Variants in ARHGAP22 observed in about 807,000 individuals in gnomAD.
ARHGAP22 encodes the protein rho GTPase-activating protein 22.
Under a neutral mutation model 59.1 loss-of-function variants are expected in ARHGAP22, and 48 were observed. That is an observed-to-expected ratio of 0.81 (90% CI 0.64 to 1.03). The LOEUF is 1.03. ARHGAP22 is among the 50% of genes least tolerant of loss of function. ARHGAP22 has a pLI of 0.00. For missense variants in ARHGAP22, 1,015 were observed against 958.7 expected, an observed-to-expected ratio of 1.06 and a Z score of -0.78; for synonymous variants, 445 against 416.4, an observed-to-expected ratio of 1.07 and a Z score of -0.84.
chr10:48,583,258 C>A, intron 1 of ARHGAP22, 106 bp from the exon 2 acceptor site: 15 of 1,333,106 alleles, frequency 1.1e-5, no homozygotes, highest in Non-Finnish European at 1.5e-5. Flanking sequence ...CATGGGAGCC[C>A]AGGCCAGCAG....
intron 4 of ARHGAP22, among the ~76,000 whole-genome samples, chr10:48,476,904 C>T (rs548083115): frequency 6.6e-6 from 1 of 152,366 alleles, no homozygotes; most frequent in East Asian, 1.9e-4. Flanking sequence ...ACCTCCACTT[C>T]TCAGTTCTGC....
At chr10:48,629,021 T>C (rs1045657872) in intron 1 of ARHGAP22, among the ~76,000 whole-genome samples, 4 of 152,154 alleles carry the variant, frequency 2.6e-5, no homozygotes, top group African/African-American at 9.7e-5. Flanking sequence ...GCATTATGTG[T>C]AACAGTAAAA....
At chr10:48,587,314 G>A (rs2059489228) in intron 1 of ARHGAP22, among the ~76,000 whole-genome samples, 1 of 152,250 alleles carries the variant, frequency 6.6e-6, no homozygotes, top group Non-Finnish European at 1.5e-5. Context: ...AGTGTTATCA[G>A]GACCCCTGGG....
At chr10:48,529,797 C>T (rs1200831472) in intron 3 of ARHGAP22, among the ~76,000 whole-genome samples, 3 of 152,232 alleles carry the variant, frequency 2.0e-5, no homozygotes, top group East Asian at 1.9e-4. Context: ...AAAAATAAAG[C>T]CAAATACTTA....
chr10:48,435,727 T>G, the ARHGAP22 span: 3 of 152,342 alleles, frequency 2.0e-5, no homozygotes, highest in African/African-American at 7.2e-5. Flanking sequence ...ACCACCACCT[T>G]ATGTCCCCAC....
chr10:48,605,132 G>C (rs2060613101), upstream of ARHGAP22: 2 of 1,210,348 alleles, frequency 1.7e-6, no homozygotes, highest in African/African-American at 3.1e-5. Flanking sequence ...TGTCCAAGCT[G>C]AGCGCGGGGG....
chr10:48,442,947 T>C (rs542970600), downstream of ARHGAP22, among the ~76,000 whole-genome samples: 5 of 152,070 alleles, frequency 3.3e-5, no homozygotes, highest in African/African-American at 1.2e-4. Flanking sequence ...TGGAGTGGGG[T>C]CATCAAGCCA....
chr10:48,527,767 A>G (rs776265635), intron 3 of ARHGAP22, among the ~76,000 whole-genome samples: 4 of 152,216 alleles, frequency 2.6e-5, no homozygotes, highest in Non-Finnish European at 4.4e-5. Context: ...GAATTTAGCC[A>G]AAACATCAGG....
At chr10:48,465,845 G>T (rs113354366) in intron 4 of ARHGAP22, among the ~76,000 whole-genome samples, 3 of 152,172 alleles carry the variant, frequency 2.0e-5, no homozygotes, top group African/African-American at 7.2e-5. Flanking sequence ...TTCTGCTCTC[G>T]GGTCCCCTGT....
At chr10:48,581,337 G>T (rs1275591384) in intron 2 of ARHGAP22, among the ~76,000 whole-genome samples, 1 of 152,224 alleles carries the variant, frequency 6.6e-6, no homozygotes, top group Non-Finnish European at 1.5e-5. Context: ...TTGCATGGAA[G>T]CTGTGTCTCC....
intron 1 of ARHGAP22, among the ~76,000 whole-genome samples, chr10:48,628,347 C>A (rs1589234496): frequency 6.6e-6 from 1 of 152,334 alleles, no homozygotes; most frequent in Non-Finnish European, 1.5e-5. Context: ...ACACATATGG[C>A]CACCCAAAGA....
intron 3 of ARHGAP22, among the ~76,000 whole-genome samples, chr10:48,483,238 G>A (rs1320626454): frequency 6.6e-6 from 1 of 152,064 alleles, no homozygotes. Context: ...AATAAACATT[G>A]GGGTACATTA....
rs371786363 is a variant in ARHGAP22 at position 48,479,619 on chromosome 10, C to T, written c.451+17G>A. ...GCAAGGGTTCTAGAGGGTGGGCATG[C>T]GATCTACGGGCAGTACCTCCGCCCA... On this transcript the variant is annotated intron_variant, in intron 4 of 9. Transcript: ENST00000249601. 118 of 1,613,666 alleles carry T rather than the reference C, an allele frequency of 7.3e-5. 1 individual carries two copies. The highest frequency in any genetic ancestry group is 8.8e-5 in the Non-Finnish European group (104 of 1,179,952).
chr10:48,649,958 A>G (rs571223259), intron 1 of ARHGAP22, among the ~76,000 whole-genome samples: 2 of 150,000 alleles, frequency 1.3e-5, no homozygotes, highest in African/African-American at 2.4e-5. Flanking sequence ...AAGTTTCTCA[A>G]TAATCTCCAT....
At chr10:48,459,965 A>T (rs1479313570) in intron 4 of ARHGAP22, 74 bp from the exon 5 acceptor site, 2 of 1,445,802 alleles carry the variant, frequency 1.4e-6, no homozygotes, top group Admixed American at 3.9e-5. Context: ...AATGGAGGGC[A>T]GGCGCACTGT....
intron 4 of ARHGAP22, among the ~76,000 whole-genome samples, chr10:48,465,850 C>T (rs1179260100): frequency 2.0e-5 from 3 of 152,128 alleles, no homozygotes; most frequent in South Asian, 4.1e-4. Flanking sequence ...CTCTCGGGTC[C>T]CCTGTACCCC....
chr10:48,544,559 G>A (rs2056262398), intron 3 of ARHGAP22, among the ~76,000 whole-genome samples: 1 of 152,174 alleles, frequency 6.6e-6, no homozygotes, highest in Admixed American at 6.5e-5. Flanking sequence ...CAATGGAATT[G>A]TCAATTTAAT....
chr10:48,501,702 A>G (rs973891456), intron 3 of ARHGAP22, among the ~76,000 whole-genome samples: 28 of 152,160 alleles, frequency 1.8e-4, no homozygotes, highest in Middle Eastern at 3.4e-3. Context: ...TTAACCTTTC[A>G]TCAAATTAAA....
At position 48,450,443 on chromosome 10, in the gene ARHGAP22, C is replaced by A. The variant is rs1165512699; in HGVS notation, c.1686G>T (p.Lys562Asn). Reference sequence around the variant, plus strand: ...CCATGCTGTGGTCCAGGTCCAGGGACTTGGGGTCCTCGCTGCTGCTGGGGA... The same window carrying A: ...CCATGCTGTGGTCCAGGTCCAGGGAATTGGGGTCCTCGCTGCTGCTGGGGA... ...SPLPSSSEDP[K>N]SLDLDHSMDE... The change falls in exon 9 of 10, where the codon AAG (lysine) becomes AAT (asparagine). Residue 562 changes from lysine to asparagine, a missense_variant. Transcript: ENST00000249601. 1.3e-6 allele frequency: 2 copies of A among 1,557,096 alleles called. No individual in the cohort carries two copies. Among genetic ancestry groups the A allele is most frequent in the South Asian group, 2.4e-5 (2 of 84,288 alleles).
Sources: gnomAD v4.1 joint callset for allele counts (sites outside exome capture counted in the v4.1 genomes callset) on GRCh38, gnomAD v4.1.1 for gene constraint, MANE v1.5 for transcripts, NCBI Gene and HGNC (gene_info 2026-07-23, HGNC 2026-07-21) for gene names.